The following COL15A1 variants were observed in gnomAD, a reference collection of about 807,000 sequenced individuals.
The protein encoded by COL15A1 is collagen type XV alpha 1 chain.
A neutral mutation model predicts 165.9 loss-of-function variants in COL15A1; 111 were observed. The observed-to-expected ratio is 0.67, with a 90% CI of 0.57 to 0.78. The LOEUF is 0.78. Ranked by LOEUF, COL15A1 falls within the 30% of genes least tolerant of loss-of-function variation. COL15A1 has a pLI of 0.00. For missense variants in COL15A1, 1,745 were observed against 1,789.7 expected (o/e 0.98, Z 0.45); for synonymous variants, 659 against 674.8 (o/e 0.98, Z 0.36).
rs1329558553 is a variant in COL15A1, at chr9:98,964,013, GC to G, written c.100+19765del. ...GCCACCACCCTGAGAGCTAAGTATT[GC>G]CACCTCTATTTCCAGATAAGGAAGC... On this transcript the variant is annotated intron_variant, in intron 2 of 41. Coordinates refer to ENST00000375001, the MANE Select transcript of COL15A1 (RefSeq NM_001855.5). 4.6e-5 allele frequency among the ~76,000 whole-genome samples: 7 copies of G among 152,338 alleles called. No homozygotes were observed. In the East Asian group the frequency reaches 1.3e-3, roughly 29 times the overall value.
intron 2 of COL15A1, among the ~76,000 whole-genome samples, chr9:98,960,431 A>C (rs1269962323): frequency 6.6e-6 from 1 of 152,142 alleles, no homozygotes; most frequent in African/African-American, 2.4e-5. Flanking sequence ...AAAAGAAAAG[A>C]AATACAGGAT....
At chr9:99,001,538 T>C (rs755754191) in intron 7 of COL15A1, among the ~76,000 whole-genome samples, 1 of 152,190 alleles carries the variant, frequency 6.6e-6, no homozygotes, top group Non-Finnish European at 1.5e-5. Flanking sequence ...TTCACAGATA[T>C]TTAAAAGTCA....
At chr9:98,972,024 G>A (rs1284717366) in intron 2 of COL15A1, among the ~76,000 whole-genome samples, 2 of 152,206 alleles carry the variant, frequency 1.3e-5, no homozygotes, top group Non-Finnish European at 2.9e-5. Flanking sequence ...CCAACCCAAT[G>A]AGCGAGGACT....
chr9:99,020,061 T>C (rs1337875595), intron 11 of COL15A1, among the ~76,000 whole-genome samples: 1 of 152,342 alleles, frequency 6.6e-6, no homozygotes, highest in Middle Eastern at 3.4e-3. Flanking sequence ...AATGTTGCCC[T>C]GGAAATGAAG....
chr9:98,966,785 A>G (rs550046872), intron 2 of COL15A1, among the ~76,000 whole-genome samples: 1 of 152,230 alleles, frequency 6.6e-6, no homozygotes, highest in Non-Finnish European at 1.5e-5. Context: ...CTGTGTGGTT[A>G]TTAATATTAT....
At chr9:98,946,042 GC>G (rs1286798106) in intron 2 of COL15A1, among the ~76,000 whole-genome samples, 2 of 152,200 alleles carry the variant, frequency 1.3e-5, no homozygotes, top group African/African-American at 4.8e-5. Context: ...GGTTTTCAGT[GC>G]CCCTTTGGGG....
Position 99,028,063 on chromosome 9 carries a change from C to T in COL15A1, c.2043+2097C>T, listed in dbSNP as rs560363223. Among the ~76,000 whole-genome samples, 210 of 152,284 alleles carry T rather than the reference C, an allele frequency of 1.4e-3. 1 individual carries two copies. The highest frequency in any genetic ancestry group is 4.6e-3 in the African/African-American group (193 of 41,550). On this transcript the variant is annotated intron_variant, in intron 16 of 41. Coordinates refer to ENST00000375001, the MANE Select transcript of COL15A1 (RefSeq NM_001855.5). Reference sequence around the variant, plus strand: ...CCAGTGACAAGGAACTCATCTCCTGCCCAGGCAGTGCCTTGCACCGTTGGA... The same window carrying T: ...CCAGTGACAAGGAACTCATCTCCTGTCCAGGCAGTGCCTTGCACCGTTGGA...
intron 2 of COL15A1, among the ~76,000 whole-genome samples, chr9:98,953,377 G>A (rs1482589774): frequency 6.6e-6 from 1 of 152,094 alleles, no homozygotes; most frequent in African/African-American, 2.4e-5. Flanking sequence ...GGGGTCCCTG[G>A]TCACCTAATG....
chr9:98,969,508 A>G (rs1838011456), intron 2 of COL15A1, among the ~76,000 whole-genome samples: 1 of 152,242 alleles, frequency 6.6e-6, no homozygotes, highest in Non-Finnish European at 1.5e-5. Context: ...AAAAAATGTC[A>G]GGGCAGACCA....
intron 9 of COL15A1, among the ~76,000 whole-genome samples, chr9:99,006,366 G>A (rs548710679): frequency 6.6e-5 from 10 of 152,366 alleles, no homozygotes; most frequent in African/African-American, 2.2e-4. Flanking sequence ...GGCACTGAAT[G>A]AGTATCTGCT....
At chr9:99,013,619 T>C (rs1838881135) in intron 9 of COL15A1, among the ~76,000 whole-genome samples, 2 of 151,008 alleles carry the variant, frequency 1.3e-5, no homozygotes, top group Non-Finnish European at 2.9e-5. Context: ...CTTTGTACTC[T>C]CATCCACCAT....
At chr9:99,039,979 T>A (rs1229146725) in intron 22 of COL15A1, among the ~76,000 whole-genome samples, 1 of 152,134 alleles carries the variant, frequency 6.6e-6, no homozygotes, top group Non-Finnish European at 1.5e-5. Context: ...TTCCTGCAAA[T>A]ATCTGCAGAC....
At chr9:98,953,107 C>G (rs1315331813) in intron 2 of COL15A1, among the ~76,000 whole-genome samples, 1 of 152,128 alleles carries the variant, frequency 6.6e-6, no homozygotes, top group East Asian at 1.9e-4. Context: ...AGGAGGCAAT[C>G]TTACAATAAG....
In COL15A1 at chr9:98,995,172, G is replaced by A. The variant is rs1838522717; in HGVS notation, c.805-1762G>A. Among the ~76,000 whole-genome samples, 5 of 152,140 alleles carry A rather than the reference G, an allele frequency of 3.3e-5. No individual in the cohort carries two copies. The South Asian group carries it at 1.0e-3, about 32-fold the overall frequency. ...CTGCCTTGATCCCTCACAGGGAGAG[G>A]AGAGGAACCTCCTGGGCAGGGGTCT... On this transcript the variant is annotated intron_variant, in intron 5 of 41. Transcript: ENST00000375001.
At chr9:99,025,527 T>G (rs1839108830) in intron 15 of COL15A1, among the ~76,000 whole-genome samples, 1 of 152,202 alleles carries the variant, frequency 6.6e-6, no homozygotes, top group Admixed American at 6.5e-5. Context: ...TGCAATTGGT[T>G]TATCAGATGT....
intron 40 of COL15A1, among the ~76,000 whole-genome samples, 175 bp downstream of exon 40, chr9:99,067,242 A>T (rs141892732): frequency 6.6e-6 from 1 of 152,230 alleles, no homozygotes; most frequent in East Asian, 1.9e-4. Flanking sequence ...AGTTTTCTTT[A>T]TGCTTGTGTG....
In COL15A1 at chr9:99,062,291, C is replaced by T. The variant is rs373451341; in HGVS notation, c.3578C>T (p.Ala1193Val). The stretch of plus-strand genomic sequence containing the variant: ...CCTGCCGACAGCCCTCCACCCCCTG[C>T]GCTTTCCAGCAACGTGAGTAGTTAC... ...PIPADSPPPP[A>V]LSSNPHQLLP... The change falls in exon 38 of 42, where the codon GCG (alanine) becomes GTG (valine). Residue 1193 changes from alanine (A) to valine (V), a missense_variant. Ala to Val is a moderately conservative substitution (Grantham distance 64, BLOSUM62 0). Transcript: ENST00000375001. 1.3e-4 allele frequency: 207 copies of T among 1,612,282 alleles called. No individual in the cohort carries two copies. The highest frequency in any genetic ancestry group is 2.5e-4 in the African/African-American group (19 of 75,006).
At chr9:99,066,630 A>G (rs1033724668) in intron 39 of COL15A1, among the ~76,000 whole-genome samples, 3 of 89,540 alleles carry the variant, frequency 3.4e-5, no homozygotes, top group African/African-American at 1.5e-4. Context: ...TTTTTCACCT[A>G]AGGAAGACAT....
chr9:99,005,304 C>T (rs555217770), intron 9 of COL15A1, among the ~76,000 whole-genome samples: 1 of 152,156 alleles, frequency 6.6e-6, no homozygotes, highest in East Asian at 1.9e-4. Context: ...GCATGCAGGA[C>T]CCTGCTGCCT....
Sources: gnomAD v4.1 joint callset for allele counts (sites outside exome capture counted in the v4.1 genomes callset) on GRCh38, gnomAD v4.1.1 for gene constraint, MANE v1.5 for transcripts, NCBI Gene and HGNC (gene_info 2026-07-23, HGNC 2026-07-21) for gene names.